The following LYRM4 variants were observed in gnomAD, a reference collection of about 807,000 sequenced individuals.
LYRM4 encodes LYR motif-containing protein 4.
A neutral mutation model predicts 11.7 loss-of-function variants in LYRM4; 9 were observed. That is an observed-to-expected ratio of 0.77 (90% CI 0.46 to 1.34). The LOEUF is 1.34. Among genes scored for constraint, LYRM4 ranks in the 40% most tolerant of loss-of-function variants. LYRM4 has a pLI of 0.00. For missense variants in LYRM4, 133 were observed against 112.5 expected (o/e 1.18, Z -0.82); for synonymous variants, 42 against 40.4 (o/e 1.04, Z -0.15).
chr6:5,172,547 G>A (rs439356), intron 2 of LYRM4, among the ~76,000 whole-genome samples: 47,731 of 151,914 alleles, frequency 0.31, 8,165 homozygotes, highest in African/African-American at 0.46. Context: ...TGAGCATCTC[G>A]TGTTCTCACA....
intron 2 of LYRM4, among the ~76,000 whole-genome samples, chr6:5,119,688 C>G (rs945397074): frequency 6.8e-6 from 1 of 147,168 alleles, no homozygotes; most frequent in African/African-American, 2.5e-5. Flanking sequence ...TACTGGGAAG[C>G]TGAGGCAGGA....
At chr6:5,188,072 C>A (rs1017948501) in intron 2 of LYRM4, among the ~76,000 whole-genome samples, 1 of 152,136 alleles carries the variant, frequency 6.6e-6, no homozygotes, top group Non-Finnish European at 1.5e-5. Context: ...GCATTGGCCA[C>A]GCATGGTGGC....
At chr6:5,197,744 T>C (rs987480517) in intron 2 of LYRM4, among the ~76,000 whole-genome samples, 5 of 152,170 alleles carry the variant, frequency 3.3e-5, no homozygotes, top group African/African-American at 1.2e-4. Flanking sequence ...TTGGAGGACC[T>C]GAGCAAAGTC....
At chr6:5,109,902 T>C (rs1581282384) in intron 2 of LYRM4, among the ~76,000 whole-genome samples, 1 of 152,178 alleles carries the variant, frequency 6.6e-6, no homozygotes, top group African/African-American at 2.4e-5. Context: ...GGGCGCCGTC[T>C]ATGCTGGGGT....
chr6:5,143,358 T>A (rs987568606), intron 2 of LYRM4, among the ~76,000 whole-genome samples: 42 of 152,348 alleles, frequency 2.8e-4, no homozygotes, highest in African/African-American at 9.6e-4. Flanking sequence ...CATAACTGTG[T>A]GAGTCTGTGC....
chr6:5,123,229 C>T (rs1488480103), intron 2 of LYRM4, among the ~76,000 whole-genome samples: 5 of 152,310 alleles, frequency 3.3e-5, no homozygotes, highest in Admixed American at 2.0e-4. Flanking sequence ...TCAGCACACA[C>T]GTCCTCATCC....
intron 2 of LYRM4, among the ~76,000 whole-genome samples, chr6:5,163,150 T>C (rs775946078): frequency 6.6e-6 from 1 of 152,232 alleles, no homozygotes; most frequent in Non-Finnish European, 1.5e-5. Context: ...AGTCTTTGCC[T>C]GCTCCAAGTT....
At chr6:5,141,512 G>A (rs867005178) in intron 2 of LYRM4, among the ~76,000 whole-genome samples, 2 of 152,210 alleles carry the variant, frequency 1.3e-5, no homozygotes, top group Non-Finnish European at 2.9e-5. Context: ...GTCCACCGTA[G>A]CGGAACAGTA....
intron 2 of LYRM4, among the ~76,000 whole-genome samples, chr6:5,183,324 TCTTAAATA>T (rs994247073): frequency 5.3e-5 from 8 of 152,208 alleles, no homozygotes; most frequent in African/African-American, 1.9e-4. Context: ...GGAGAAATCA[TCTTAAATA>T]CTTAAATGTA....
chr6:5,221,998 A>G (rs1015415599), intron 1 of LYRM4, among the ~76,000 whole-genome samples: 3 of 152,232 alleles, frequency 2.0e-5, no homozygotes, highest in Non-Finnish European at 2.9e-5. Flanking sequence ...TGTGTAGTGT[A>G]TAATCAAATG....
At chr6:5,245,103 AAAAAAAAAAAATATAT>A (rs1764089138) in intron 1 of LYRM4, among the ~76,000 whole-genome samples, 1 of 58,380 alleles carries the variant, frequency 1.7e-5, no homozygotes, top group African/African-American at 6.0e-5. Context: ...AAAAAAAAAA[AAAAAAAAAAAATATAT>A]ATATATATAT....
At chr6:5,071,984 C>G in the LYRM4 span, among the ~76,000 whole-genome samples, 1 of 152,116 alleles carries the variant, frequency 6.6e-6, no homozygotes, top group Non-Finnish European at 1.5e-5. Context: ...CTTCCCACCC[C>G]CAACCTTCTG....
chr6:5,155,207 GAGT>G (rs1053709806), intron 2 of LYRM4, among the ~76,000 whole-genome samples: 1 of 152,140 alleles, frequency 6.6e-6, no homozygotes, highest in African/African-American at 2.4e-5. Context: ...TCAGCCTCCT[GAGT>G]AGCTGGGATT....
At chr6:5,216,563 T>C in intron 2 of LYRM4, 55 bp downstream of exon 2, 2 of 1,606,254 alleles carry the variant, frequency 1.2e-6, no homozygotes, top group Admixed American at 1.7e-5. Flanking sequence ...TCAAGGGGAA[T>C]ATGTCGAAGT....
chr6:5,246,557 G>A (rs569034561), intron 1 of LYRM4, among the ~76,000 whole-genome samples: 1 of 152,302 alleles, frequency 6.6e-6, no homozygotes, highest in East Asian at 1.9e-4. Flanking sequence ...AGTAAGGAGG[G>A]CAGGGTGCAG....
In LYRM4 at chr6:5,250,473, A is replaced by C. The variant is rs142220673; in HGVS notation, c.86+10175T>G. Among the ~76,000 whole-genome samples, 327 of 152,308 alleles carry C rather than the reference A, an allele frequency of 2.1e-3. 2 individuals carry two copies. The highest frequency in any genetic ancestry group is 6.6e-3 in the African/African-American group (273 of 41,588). On this transcript the variant is annotated intron_variant, in intron 1 of 2. Transcript: ENST00000330636. ...ACTCTAAGTTAACCGTACTATTTTT[A>C]TTTTTTGAAACCATTATCATTAAAC...
At chr6:5,048,287 T>C in the LYRM4 span, among the ~76,000 whole-genome samples, 11 of 119,868 alleles carry the variant, frequency 9.2e-5, no homozygotes, top group Non-Finnish European at 1.4e-4. Context: ...TTTGACACTT[T>C]GTGGTGTGTG....
intron 1 of LYRM4, among the ~76,000 whole-genome samples, chr6:5,255,524 G>A (rs752880095): frequency 1.2e-4 from 18 of 151,810 alleles, no homozygotes; most frequent in South Asian, 2.1e-4. Flanking sequence ...TATGATAAAT[G>A]CGTCCCACAT....
At position 5,216,004 on chromosome 6, in the gene LYRM4, C is replaced by A. The variant is rs115967996; in HGVS notation, c.207+614G>T. 6.6e-3 allele frequency among the ~76,000 whole-genome samples: 1,005 copies of A among 152,234 alleles called. 4 individuals are homozygous for A. The highest frequency in any genetic ancestry group is 0.022 in the African/African-American group (910 of 41,514). ...TATCAGACCACGCAGGAGATCATGC[C>A]GCTGCACATGCTCCACCCACCTCAT... On this transcript the variant is annotated intron_variant, in intron 2 of 2. Transcript: ENST00000330636.
Sources: allele counts gnomAD v4.1 joint callset (sites outside exome capture counted in the v4.1 genomes callset), GRCh38; gene constraint gnomAD v4.1.1; transcripts MANE v1.5; gene names NCBI Gene and HGNC (gene_info 2026-07-23, HGNC 2026-07-21).